RALGAPA1: variants seen among roughly 807,000 people sequenced by gnomAD.
RALGAPA1 encodes the protein ral GTPase-activating protein subunit alpha-1.
RALGAPA1 carries 52 observed loss-of-function variants against 269.6 expected under a neutral mutation model. That is an observed-to-expected ratio of 0.19 (90% CI 0.15 to 0.24). The LOEUF is 0.24. Ranked by LOEUF, RALGAPA1 falls within the 10% of genes least tolerant of loss-of-function variation. The pLI is 1.00. For missense variants in RALGAPA1, 1,917 were observed against 3,013.9 expected, an observed-to-expected ratio of 0.64 and a Z score of 8.52; for synonymous variants, 817 against 1,008.3, an observed-to-expected ratio of 0.81 and a Z score of 3.60.
intron 35 of RALGAPA1, among the ~76,000 whole-genome samples, chr14:35,621,682 C>T (rs185020354): frequency 5.9e-5 from 9 of 152,240 alleles, no homozygotes; most frequent in African/African-American, 1.9e-4. Flanking sequence ...AAACAAACAA[C>T]GCCATCAAAA....
At chr14:35,730,912 C>T (rs986237099) in intron 12 of RALGAPA1, among the ~76,000 whole-genome samples, 6 of 152,334 alleles carry the variant, frequency 3.9e-5, no homozygotes, top group South Asian at 2.1e-4. Flanking sequence ...TGCCACCTCC[C>T]GGCAAGAGGC....
rs1191238033 is a variant in RALGAPA1 at position 35,570,676 on chromosome 14, T to A, written c.7437A>T (p.Arg2479Ser). The A allele has an allele frequency of 1.1e-5, 17 of 1,611,966 alleles. No individual in the cohort carries two copies. The highest frequency in any genetic ancestry group is 1.4e-5 in the Non-Finnish European group (17 of 1,179,346). The change falls in exon 39 of 42, where the codon AGA becomes AGT. Residue 2479 changes from arginine (R) to serine (S), a missense_variant. Physicochemically the swap from Arg to Ser is moderately radical, Grantham distance 110 (BLOSUM62 -1). Coordinates refer to ENST00000680220, the MANE Select transcript of RALGAPA1 (RefSeq NM_001346249.2). ...VNGKVLPIMV[R>S]ATAINASRAL... ...CACGGCTTGCATTTATAGCTGTTGC[T>A]CTAACCATAATGGGTAGAACCTTTC...
chr14:35,640,258 A>T (rs2139819487), intron 31 of RALGAPA1, among the ~76,000 whole-genome samples: 1 of 152,306 alleles, frequency 6.6e-6, no homozygotes, highest in African/African-American at 2.4e-5. Context: ...TAAAACTGAA[A>T]TGGCAAAAAT....
At chr14:35,748,963 T>C (rs1356608292) in intron 9 of RALGAPA1, 139 bp from the exon 10 acceptor site, 18 of 1,329,838 alleles carry the variant, frequency 1.4e-5, no homozygotes, top group Non-Finnish European at 1.6e-5. Flanking sequence ...ACTCCGGGCA[T>C]AGAGTTTCAT....
chr14:35,712,708 T>C (rs147347841), intron 16 of RALGAPA1, among the ~76,000 whole-genome samples: 5 of 152,302 alleles, frequency 3.3e-5, no homozygotes, highest in Middle Eastern at 3.4e-3. Context: ...GGTCTCACTA[T>C]GTTGCTCAGG....
intron 35 of RALGAPA1, among the ~76,000 whole-genome samples, chr14:35,624,180 TGG>T: frequency 7.6e-6 from 1 of 131,494 alleles, no homozygotes; most frequent in African/African-American, 3.0e-5. Context: ...AAAAACAACT[TGG>T]TAATATCCCT....
intron 1 of RALGAPA1, among the ~76,000 whole-genome samples, chr14:35,804,719 A>T (rs1378748246): frequency 6.6e-6 from 1 of 151,912 alleles, no homozygotes; most frequent in Admixed American, 6.6e-5. Context: ...GGATTGCTTG[A>T]GTCCAGGAGC....
At chr14:35,796,004 T>A (rs936641109) in intron 1 of RALGAPA1, among the ~76,000 whole-genome samples, 1 of 151,644 alleles carries the variant, frequency 6.6e-6, no homozygotes, top group Non-Finnish European at 1.5e-5. Context: ...TATAAGAAAG[T>A]AAAATTCAGA....
intron 16 of RALGAPA1, among the ~76,000 whole-genome samples, chr14:35,709,443 ATCT>A (rs1441600792): frequency 6.6e-6 from 1 of 152,192 alleles, no homozygotes; most frequent in South Asian, 2.1e-4. Context: ...AATAATTGAT[ATCT>A]TCTTATTTTC....
intron 37 of RALGAPA1, among the ~76,000 whole-genome samples, chr14:35,587,566 G>A (rs897649924): frequency 6.6e-6 from 1 of 152,166 alleles, no homozygotes; most frequent in African/African-American, 2.4e-5. Flanking sequence ...CATGTCCTTT[G>A]CAGGGACATG....
chr14:35,675,091 C>A (rs1484328744), intron 22 of RALGAPA1, among the ~76,000 whole-genome samples: 2 of 152,148 alleles, frequency 1.3e-5, no homozygotes, highest in African/African-American at 4.8e-5. Flanking sequence ...AAACCTCAGG[C>A]TAAAGGCAGA....
intron 37 of RALGAPA1, among the ~76,000 whole-genome samples, chr14:35,583,585 T>C (rs1189073046): frequency 6.6e-6 from 1 of 152,122 alleles, no homozygotes; most frequent in Non-Finnish European, 1.5e-5. Flanking sequence ...ATGTCAGTCA[T>C]AAACCCAGAT....
At chr14:35,587,833 G>A (rs910205156) in intron 37 of RALGAPA1, among the ~76,000 whole-genome samples, 4 of 152,100 alleles carry the variant, frequency 2.6e-5, no homozygotes, top group Admixed American at 1.3e-4. Flanking sequence ...AAAGCTGCAC[G>A]TTGTGCACAT....
At position 35,688,445 on chromosome 14, in the gene RALGAPA1, C is replaced by G; in HGVS notation, c.3952+14G>C. The G allele has an allele frequency of 6.5e-7, 1 of 1,536,098 alleles. No individual in the cohort carries two copies. Among genetic ancestry groups the G allele is most frequent in the Non-Finnish European group, 8.7e-7 (1 of 1,146,872 alleles). On this transcript the variant is annotated intron_variant, in intron 18 of 41. Coordinates refer to ENST00000680220, the MANE Select transcript of RALGAPA1 (RefSeq NM_001346249.2). Reference sequence around the variant, plus strand: ...TCTTTCTCCTTTTGCGCTCTGCACACTGTTAGTGCTCACCTGCAGCTTTCC... The same window carrying G: ...TCTTTCTCCTTTTGCGCTCTGCACAGTGTTAGTGCTCACCTGCAGCTTTCC...
chr14:35,676,214 CT>C (rs34723426), intron 22 of RALGAPA1: 3,040 of 143,360 alleles, frequency 0.021, 77 homozygotes, highest in East Asian at 0.12. Flanking sequence ...TGATTAAATT[CT>C]TTTTTTTTTT....
chr14:35,656,618 T>C (rs1044956088), intron 28 of RALGAPA1, among the ~76,000 whole-genome samples: 1 of 152,224 alleles, frequency 6.6e-6, no homozygotes, highest in Non-Finnish European at 1.5e-5. Context: ...CTTCTTCTAG[T>C]ATCCTGTTAT....
intron 37 of RALGAPA1, among the ~76,000 whole-genome samples, chr14:35,574,999 A>G (rs564432259): frequency 1.1e-4 from 17 of 151,924 alleles, no homozygotes; most frequent in Non-Finnish European, 2.5e-4. Context: ...GTGGTGGCAT[A>G]CACCTGTAAT....
intron 38 of RALGAPA1, 57 bp downstream of exon 38, chr14:35,572,503 C>T: frequency 7.4e-7 from 1 of 1,347,026 alleles, no homozygotes; most frequent in East Asian, 2.4e-5. Context: ...GAAAGAAACC[C>T]ATGAACCCCT....
chr14:35,609,236 A>G (rs56284098), intron 35 of RALGAPA1, among the ~76,000 whole-genome samples: 18,286 of 151,952 alleles, frequency 0.12, 1,160 homozygotes, highest in South Asian at 0.14. Context: ...CAAAAAAAAA[A>G]AACCAAAAAA....
Sources: allele counts gnomAD v4.1 joint callset (sites outside exome capture counted in the v4.1 genomes callset), GRCh38; gene constraint gnomAD v4.1.1; transcripts MANE v1.5; gene names NCBI Gene and HGNC (gene_info 2026-07-23, HGNC 2026-07-21).